RBFOX1: variants seen among roughly 807,000 people sequenced by gnomAD.
The protein encoded by RBFOX1 is RNA binding protein fox-1 homolog 1.
RBFOX1 carries 8 observed loss-of-function variants against 57.7 expected under a neutral mutation model. The observed-to-expected ratio is 0.14, with a 90% confidence interval of 0.08 to 0.25. The LOEUF (loss-of-function observed/expected upper bound fraction) is 0.25. RBFOX1 is among the 10% of genes least tolerant of loss of function. The pLI is 1.00. For missense variants in RBFOX1, 611 were observed against 548.5 expected (o/e 1.11, Z -1.14); for synonymous variants, 326 against 222.4 (o/e 1.47, Z -4.15).
chr16:5,931,137 T>C (rs1239798587), intron 4 of RBFOX1, among the ~76,000 whole-genome samples: 2 of 152,158 alleles, frequency 1.3e-5, no homozygotes, highest in Non-Finnish European at 2.9e-5. Context: ...CGTAGGGCTA[T>C]TCTTTTGTAT....
At chr16:7,345,907 C>T (rs1031534417) in intron 4 of RBFOX1, among the ~76,000 whole-genome samples, 4 of 151,976 alleles carry the variant, frequency 2.6e-5, no homozygotes, top group African/African-American at 9.7e-5. Context: ...ATACATGTGC[C>T]ATGTTGGTGT....
chr16:5,878,562 A>T (rs1346503374), intron 4 of RBFOX1, among the ~76,000 whole-genome samples: 3 of 152,196 alleles, frequency 2.0e-5, no homozygotes, highest in Non-Finnish European at 4.4e-5. Context: ...TACGTTGCTC[A>T]ACGCAATCTT....
At chr16:6,513,620 G>C (rs917360497) in intron 2 of RBFOX1, among the ~76,000 whole-genome samples, 1 of 152,116 alleles carries the variant, frequency 6.6e-6, no homozygotes, top group Non-Finnish European at 1.5e-5. Context: ...TGTAATGACA[G>C]CTATTCGGGA....
At chr16:5,454,914 C>T (rs576097449) in intron 1 of RBFOX1, among the ~76,000 whole-genome samples, 10 of 55,780 alleles carry the variant, frequency 1.8e-4, no homozygotes, top group African/African-American at 4.3e-4. Flanking sequence ...TTCTTTCTTT[C>T]CTTTGTTTCT....
chr16:6,127,733 A>G (rs760584941), intron 1 of RBFOX1, among the ~76,000 whole-genome samples: 47 of 152,216 alleles, frequency 3.1e-4, no homozygotes, highest in Non-Finnish European at 5.6e-4. Context: ...TAAATGTTCA[A>G]CACTCCGGGA....
chr16:6,299,569 G>A (rs370983430), intron 1 of RBFOX1, among the ~76,000 whole-genome samples: 3 of 152,008 alleles, frequency 2.0e-5, no homozygotes, highest in Admixed American at 1.3e-4. Flanking sequence ...AGACCCCAGC[G>A]TCATCGTCAC....
At chr16:7,248,855 G>C (rs1384651720) in intron 4 of RBFOX1, among the ~76,000 whole-genome samples, 1 of 152,168 alleles carries the variant, frequency 6.6e-6, no homozygotes. Context: ...TTTGTAATCT[G>C]TATGTATATC....
intron 3 of RBFOX1, among the ~76,000 whole-genome samples, chr16:6,739,204 T>C (rs1454993610): frequency 6.7e-6 from 1 of 148,404 alleles, no homozygotes; most frequent in African/African-American, 2.5e-5. Context: ...TTTAAAAATA[T>C]AGAAGAAAAT....
chr16:6,664,027 C>G (rs1340541730), intron 3 of RBFOX1, among the ~76,000 whole-genome samples: 3 of 152,204 alleles, frequency 2.0e-5, no homozygotes, highest in African/African-American at 7.2e-5. Flanking sequence ...ATCTGTGTCA[C>G]ATGGACTGTG....
At chr16:5,419,912 C>G (rs563269211) in intron 1 of RBFOX1, among the ~76,000 whole-genome samples, 5 of 152,066 alleles carry the variant, frequency 3.3e-5, no homozygotes, top group African/African-American at 1.2e-4. Flanking sequence ...CCTGGTCTTG[C>G]AGCCACAAGG....
In RBFOX1 at chr16:6,812,487, C is replaced by T. The variant is rs558659566; in HGVS notation, c.-16+157837C>T. 2.0e-5 allele frequency among the ~76,000 whole-genome samples: 3 copies of T among 152,204 alleles called. No individual in the cohort carries two copies. The East Asian group carries it at 5.8e-4, about 30-fold the overall frequency. On this transcript the variant is annotated intron_variant, in intron 3 of 15. Transcript: ENST00000550418. ...CTCTAGGGTTCAAGTGATTCTCTTG[C>T]CATAGCCTACTGAGTAGCTGGGATT... is the stretch of plus-strand genomic sequence containing the variant.
intron 4 of RBFOX1, among the ~76,000 whole-genome samples, chr16:7,203,310 A>G (rs1315858217): frequency 6.6e-6 from 1 of 152,208 alleles, no homozygotes; most frequent in African/African-American, 2.4e-5. Flanking sequence ...GCACTGTATA[A>G]TTCCACTCAC....
chr16:6,526,785 G>A (rs1444337123), intron 2 of RBFOX1, among the ~76,000 whole-genome samples: 15 of 119,528 alleles, frequency 1.3e-4, no homozygotes, highest in Non-Finnish European at 2.2e-4. Flanking sequence ...AGCCGAGATT[G>A]CACTACCACA....
At chr16:5,663,098 G>T (rs2049711517) in intron 3 of RBFOX1, among the ~76,000 whole-genome samples, 2 of 152,156 alleles carry the variant, frequency 1.3e-5, no homozygotes, top group Non-Finnish European at 2.9e-5. Flanking sequence ...GTAGGTATAG[G>T]CCAGGGATAC....
intron 1 of RBFOX1, among the ~76,000 whole-genome samples, chr16:5,281,226 T>G (rs996447570): frequency 2.0e-5 from 3 of 152,196 alleles, no homozygotes; most frequent in African/African-American, 7.2e-5. Context: ...TCCATGTATT[T>G]GTACAGTTTC....
intron 3 of RBFOX1, among the ~76,000 whole-genome samples, chr16:6,813,081 C>A (rs753687825): frequency 6.6e-6 from 1 of 151,668 alleles, no homozygotes; most frequent in African/African-American, 2.4e-5. Context: ...TGAAGAAAAC[C>A]ATGAATATAT....
intron 3 of RBFOX1, among the ~76,000 whole-genome samples, chr16:6,772,763 G>GTAT (rs1603619246): frequency 6.7e-6 from 1 of 150,286 alleles, no homozygotes. Flanking sequence ...GTGTGTGTGT[G>GTAT]CATATGTTGG....
At position 5,731,262 on chromosome 16, in the gene RBFOX1, A is replaced by G. The variant is rs576698917; in HGVS notation, c.318+132301A>G. ...CACTATCAATGTCTCCACCAGCACG[A>G]TAATGGTTGTCATCATTGTCATCAC... On this transcript the variant is annotated intron_variant, in intron 3 of 19. Coordinates refer to the RBFOX1 transcript ENST00000641259. Among the ~76,000 whole-genome samples, 9 of 152,204 alleles carry G rather than the reference A, an allele frequency of 5.9e-5. No individual in the cohort carries two copies. In the East Asian group the frequency reaches 1.6e-3, roughly 26 times the overall value.
intron 3 of RBFOX1, among the ~76,000 whole-genome samples, chr16:5,758,645 C>T (rs945131624): frequency 6.6e-6 from 1 of 152,140 alleles, no homozygotes; most frequent in Non-Finnish European, 1.5e-5. Context: ...AATAGGAAAG[C>T]TTCTATGAGC....
Sources: allele counts gnomAD v4.1 joint callset (sites outside exome capture counted in the v4.1 genomes callset), GRCh38; gene constraint gnomAD v4.1.1; transcripts MANE v1.5; gene names NCBI Gene and HGNC (gene_info 2026-07-23, HGNC 2026-07-21).